The following NR1H3 variants were observed in gnomAD, a reference collection of about 807,000 sequenced individuals.
The protein encoded by NR1H3 is nuclear receptor subfamily 1 group H member 3.
Under a neutral mutation model 48.1 loss-of-function variants are expected in NR1H3, and 19 were observed. The ratio of observed to expected loss-of-function variants is 0.40; its 90% confidence interval spans 0.28 to 0.58. NR1H3 has a LOEUF of 0.58. Among genes scored for constraint, NR1H3 ranks in the 20% least tolerant of loss-of-function variants. NR1H3 has a pLI of 0.50. For missense variants in NR1H3, 486 were observed against 595.9 expected (o/e 0.82, Z 1.92); for synonymous variants, 232 against 227.3 (o/e 1.02, Z -0.19).
upstream of NR1H3, among the ~76,000 whole-genome samples, chr11:47,255,615 CTCTT>C (rs71042664): frequency 0.077 from 7,093 of 91,780 alleles, 420 homozygotes; most frequent in Middle Eastern, 0.11. Context: ...CTCTCTCTCT[CTCTT>C]TCTTTCTTTC....
chr11:47,264,422 G>A (rs1382605632), intron 7 of NR1H3, among the ~76,000 whole-genome samples: 1 of 152,222 alleles, frequency 6.6e-6, no homozygotes, highest in African/African-American at 2.4e-5. Context: ...GGGCTATGTT[G>A]GCACCTTTTG....
At chr11:47,254,901 G>T (rs1291527044), upstream of NR1H3, among the ~76,000 whole-genome samples, 1 of 152,150 alleles carries the variant, frequency 6.6e-6, no homozygotes, top group Non-Finnish European at 1.5e-5. Context: ...CTTCCCTGGT[G>T]CCCTGTTCAT....
chr11:47,265,491 A>G (rs762418333), intron 7 of NR1H3, among the ~76,000 whole-genome samples: 2 of 152,236 alleles, frequency 1.3e-5, no homozygotes, highest in South Asian at 4.1e-4. Flanking sequence ...GACAATGTGT[A>G]TGAGAGACAT....
At chr11:47,255,587 T>C (rs202245170), upstream of NR1H3, among the ~76,000 whole-genome samples, 251 of 71,668 alleles carry the variant, frequency 3.5e-3, 1 homozygote, top group African/African-American at 0.013. Context: ...CTTTCTTTCT[T>C]TCTTTCTTTC....
At chr11:47,253,144 T>TGTGTGTGTGTG (rs1554980530), upstream of NR1H3, among the ~76,000 whole-genome samples, 2 of 151,498 alleles carry the variant, frequency 1.3e-5, no homozygotes, top group South Asian at 2.1e-4. Context: ...CGTGTGTGTG[T>TGTGTGTGTGTG]TTTCTGTAAA....
chr11:47,260,314 A>T (rs947756242), intron 3 of NR1H3, 95 bp from the exon 4 acceptor site: 1 of 1,469,070 alleles, frequency 6.8e-7, no homozygotes, highest in Non-Finnish European at 9.2e-7. Flanking sequence ...AATGAAGGGA[A>T]TGAAGGTCAC....
intron 7 of NR1H3, 39 bp downstream of exon 7, chr11:47,262,057 A>T (rs753916928): frequency 7.1e-7 from 1 of 1,413,904 alleles, no homozygotes; most frequent in Non-Finnish European, 9.8e-7. Flanking sequence ...GGTTGGGTGG[A>T]CAGATGCTTC....
chr11:47,267,890 C>T, intron 7 of NR1H3, 23 bp from the exon 8 acceptor site: 3 of 1,546,640 alleles, frequency 1.9e-6, no homozygotes, highest in Middle Eastern at 1.8e-4. Context: ...CTGCTTGCGT[C>T]AGCCTCCCTT....
chr11:47,261,882 T>G, intron 6 of NR1H3, 37 bp from the exon 7 acceptor site: 1 of 1,604,016 alleles, frequency 6.2e-7, no homozygotes, highest in Non-Finnish European at 8.5e-7. Context: ...AGACCAGCCC[T>G]CCTAGTCCCC....
chr11:47,250,184 AT>A (rs777230133), intron 1 of NR1H3, among the ~76,000 whole-genome samples: 6 of 152,270 alleles, frequency 3.9e-5, no homozygotes, highest in Admixed American at 6.5e-5. Context: ...GGGTGGGAAG[AT>A]TGCTTGAGCC....
Position 47,268,600 on chromosome 11 carries a change from C to T in NR1H3, c.1248C>T (p.Thr416=), listed in dbSNP as rs761399252. The T allele has an allele frequency of 6.2e-7, 1 of 1,614,164 alleles. No individual in the cohort carries two copies. The highest frequency in any genetic ancestry group is 1.7e-5 in the Admixed American group (1 of 60,022). Reference sequence around the variant, plus strand: ...TAATGAAACTGGTGAGCCTCCGGACCCTGAGCAGCGTCCACTCAGAGCAAG... The same window carrying T: ...TAATGAAACTGGTGAGCCTCCGGACTCTGAGCAGCGTCCACTCAGAGCAAG... The part of the protein sequence containing the change: ...RMLMKLVSLR[T]LSSVHSEQVF... The change falls in exon 10 of 10, where the codon ACC becomes ACT. Residue 416 remains threonine, a synonymous_variant. Transcript: ENST00000441012.
chr11:47,248,756 C>A (rs773418071), upstream of NR1H3: 1 of 1,604,060 alleles, frequency 6.2e-7, no homozygotes, highest in Admixed American at 1.7e-5. Flanking sequence ...TGGAGGAGAG[C>A]CGCCCGGCTC....
chr11:47,264,091 G>A (rs917329863), intron 7 of NR1H3, among the ~76,000 whole-genome samples: 2 of 152,166 alleles, frequency 1.3e-5, no homozygotes, highest in Non-Finnish European at 2.9e-5. Context: ...CGCAGAAGGG[G>A]TTTCTTCATA....
intron 3 of NR1H3, 75 bp downstream of exon 3, chr11:47,260,054 G>A: frequency 7.8e-7 from 1 of 1,287,802 alleles, no homozygotes; most frequent in Non-Finnish European, 1.0e-6. Context: ...TTCCTTGGGG[G>A]TTTTTACTTT....
rs1045680368 is a variant in NR1H3 at position 47,259,985 on chromosome 11, G to C, written c.232+6G>C. On this transcript the variant is annotated splice_donor_region_variant and intron_variant, in intron 3 of 9. Coordinates refer to ENST00000441012, the MANE Select transcript of NR1H3 (RefSeq NM_005693.4). Reference sequence around the variant, plus strand: ...GCCCCCTTCAGAACCCACAGGTGAGGAGCTTCTGGGTTTGGAGGAGGTAGG... The same window carrying C: ...GCCCCCTTCAGAACCCACAGGTGAGCAGCTTCTGGGTTTGGAGGAGGTAGG... 3 of 1,508,262 alleles carry C rather than the reference G, an allele frequency of 2.0e-6. No individual in the cohort carries two copies. The African/African-American group carries it at 4.2e-5, about 21-fold the overall frequency. 93.4% of individuals were successfully genotyped at this position (1,508,262 alleles called of 1,614,324 possible).
intron 1 of NR1H3, chr11:47,250,679 A>G (rs1954578507): frequency 6.6e-6 from 1 of 152,210 alleles, no homozygotes; most frequent in Non-Finnish European, 1.5e-5. Flanking sequence ...AAACACACAC[A>G]TGGAATTTTG....
At chr11:47,262,116 A>C in intron 7 of NR1H3, 98 bp downstream of exon 7, 1 of 847,692 alleles carries the variant, frequency 1.2e-6, no homozygotes, top group Non-Finnish European at 1.9e-6. Flanking sequence ...GCGGTGGCTC[A>C]TGCCTGTAAT....
chr11:47,253,144 T>TGTGTGTGTGTGTGTGTG (rs1554980530), upstream of NR1H3, among the ~76,000 whole-genome samples: 3 of 151,488 alleles, frequency 2.0e-5, no homozygotes, highest in Admixed American at 6.6e-5. Flanking sequence ...CGTGTGTGTG[T>TGTGTGTGTGTGTGTGTG]TTTCTGTAAA....
At chr11:47,248,995 A>G (rs563498882) in exon 1 of NR1H3, 2 of 1,494,060 alleles carry the variant, frequency 1.3e-6, no homozygotes, top group African/African-American at 1.4e-5. Flanking sequence ...GAGGAGCATA[A>G]GAAGGTAACG....
Sources: gnomAD v4.1 joint callset for allele counts (sites outside exome capture counted in the v4.1 genomes callset) on GRCh38, gnomAD v4.1.1 for gene constraint, MANE v1.5 for transcripts, NCBI Gene and HGNC (gene_info 2026-07-23, HGNC 2026-07-21) for gene names.